The following NBAS variants were observed in gnomAD, a reference collection of about 807,000 sequenced individuals.
NBAS encodes NBAS subunit of NRZ tethering complex, also known as NAG/BC035112 fusion.
Under a neutral mutation model 302.5 loss-of-function variants are expected in NBAS, and 219 were observed. That is an observed-to-expected ratio of 0.72 (90% CI 0.65 to 0.81). The LOEUF is 0.81. Among genes scored for constraint, NBAS ranks in the 30% least tolerant of loss-of-function variants. The probability of loss-of-function intolerance (pLI) is 0.00; values close to 1 mark genes in which losing one functional copy is unlikely to be tolerated. For synonymous variants in NBAS, 1,118 were observed against 1,021.6 expected, an observed-to-expected ratio of 1.09 and a Z score of -1.80; for missense variants, 2,932 against 2,841.6, an observed-to-expected ratio of 1.03 and a Z score of -0.72.
At chr2:15,055,134 G>A in the NBAS span, among the ~76,000 whole-genome samples, 3 of 152,168 alleles carry the variant, frequency 2.0e-5, no homozygotes, top group Non-Finnish European at 4.4e-5. Flanking sequence ...AAGCAATGGT[G>A]TAGAATGAGA....
intron 35 of NBAS, among the ~76,000 whole-genome samples, chr2:15,336,732 A>G (rs1031714217): frequency 7.1e-6 from 1 of 140,882 alleles, no homozygotes; most frequent in African/African-American, 3.0e-5. Context: ...TCCATATAGG[A>G]AAAAAAAAAA....
chr2:15,502,596 GA>G (rs1661628124), intron 11 of NBAS, among the ~76,000 whole-genome samples: 1 of 152,212 alleles, frequency 6.6e-6, no homozygotes, highest in Non-Finnish European at 1.5e-5. Flanking sequence ...TCTAAACACA[GA>G]AAAGGTACAG....
chr2:14,976,209 T>C, the NBAS span, among the ~76,000 whole-genome samples: 3 of 152,328 alleles, frequency 2.0e-5, no homozygotes, highest in South Asian at 6.2e-4. Context: ...CAGCCTTTAG[T>C]GCAGGAAGAT....
At chr2:15,171,153 G>T (rs892983326) in intron 51 of NBAS, among the ~76,000 whole-genome samples, 1 of 152,116 alleles carries the variant, frequency 6.6e-6, no homozygotes, top group East Asian at 1.9e-4. Context: ...ATAAAAAAGT[G>T]GAAATAGTTG....
intron 21 of NBAS, among the ~76,000 whole-genome samples, chr2:15,460,075 T>C (rs762573066): frequency 3.2e-4 from 49 of 152,148 alleles, no homozygotes; most frequent in Non-Finnish European, 5.6e-4. Context: ...TGCCTAGAAA[T>C]AGGATATTGA....
chr2:14,998,926 C>T, the NBAS span, among the ~76,000 whole-genome samples: 10 of 152,210 alleles, frequency 6.6e-5, no homozygotes, highest in African/African-American at 1.7e-4. Flanking sequence ...ACTCCCAGCA[C>T]GCTGGCAATC....
intron 25 of NBAS, among the ~76,000 whole-genome samples, chr2:15,405,104 G>A (rs1676346425): frequency 1.3e-5 from 2 of 152,120 alleles, no homozygotes; most frequent in Non-Finnish European, 2.9e-5. Flanking sequence ...AAGAAGACAT[G>A]TCTTGCCATG....
the NBAS span, among the ~76,000 whole-genome samples, chr2:15,059,987 A>C: frequency 5.0e-5 from 7 of 140,246 alleles, no homozygotes; most frequent in Non-Finnish European, 9.5e-5. Context: ...AAAAAAAAAA[A>C]CACTCCACGT....
the NBAS span, among the ~76,000 whole-genome samples, chr2:15,032,028 C>T: frequency 7.2e-5 from 11 of 152,182 alleles, no homozygotes; most frequent in Non-Finnish European, 1.6e-4. Flanking sequence ...CGCCACAGTG[C>T]AGATCTGAAC....
chr2:15,214,559 T>C (rs920983887), intron 48 of NBAS, among the ~76,000 whole-genome samples: 5 of 152,234 alleles, frequency 3.3e-5, no homozygotes, highest in African/African-American at 9.6e-5. Context: ...TGTGATTTCA[T>C]GGCTAGGTTA....
At chr2:15,335,174 TAAAAAAAA>T (rs34790746) in intron 35 of NBAS, among the ~76,000 whole-genome samples, 36 of 117,280 alleles carry the variant, frequency 3.1e-4, no homozygotes, top group African/African-American at 1.1e-3. Flanking sequence ...TCATCTCTCT[TAAAAAAAA>T]AAAAAAAAAA....
chr2:15,245,907 C>T (rs77003576), intron 44 of NBAS, among the ~76,000 whole-genome samples: 2,937 of 152,144 alleles, frequency 0.019, 80 homozygotes, highest in African/African-American at 0.063. Flanking sequence ...ATGTAAAAGC[C>T]AATCTTAGCT....
the NBAS span, among the ~76,000 whole-genome samples, chr2:14,843,248 G>A: frequency 6.6e-6 from 1 of 152,062 alleles, no homozygotes; most frequent in African/African-American, 2.4e-5. Flanking sequence ...TTTTCTCTAA[G>A]ATCCGGACCA....
At chr2:15,015,685 C>T in the NBAS span, among the ~76,000 whole-genome samples, 2 of 152,106 alleles carry the variant, frequency 1.3e-5, no homozygotes, top group South Asian at 2.1e-4. Flanking sequence ...TAACATCATG[C>T]TTGATAGGGA....
Position 15,186,803 on chromosome 2 carries a change from C to T in NBAS, c.6650G>A (p.Gly2217Glu), listed in dbSNP as rs767132535. ...RCTMENKEGL[G>E]NEVLKMCRSL... is the part of the protein sequence containing the mutation. Reference sequence around the variant, plus strand: ...GCGACACATTTTCAAAACTTCATTCCCCAATCCTTCCTTGTTCTCCATCGT... The same window carrying T: ...GCGACACATTTTCAAAACTTCATTCTCCAATCCTTCCTTGTTCTCCATCGT... The change falls in exon 50 of 52, where the codon GGG becomes GAG. Residue 2217 changes from glycine to glutamate, a missense_variant. Transcript: ENST00000281513. 1 of 1,613,852 alleles carries T rather than the reference C, an allele frequency of 6.2e-7. No individual in the cohort carries two copies. Among genetic ancestry groups the T allele is most frequent in the Non-Finnish European group, 8.5e-7 (1 of 1,179,958 alleles).
chr2:15,260,944 T>A (rs1466892801), intron 44 of NBAS, among the ~76,000 whole-genome samples: 3 of 152,166 alleles, frequency 2.0e-5, no homozygotes, highest in Non-Finnish European at 4.4e-5. Context: ...AGTGGTCTGT[T>A]TTGCTTGTGT....
chr2:15,383,658 T>C (rs975231097), intron 28 of NBAS, among the ~76,000 whole-genome samples: 1 of 152,148 alleles, frequency 6.6e-6, no homozygotes, highest in African/African-American at 2.4e-5. Context: ...CACTGCAAGA[T>C]AAAGCAGCTA....
At chr2:15,088,472 G>T in the NBAS span, among the ~76,000 whole-genome samples, 1 of 152,210 alleles carries the variant, frequency 6.6e-6, no homozygotes, top group African/African-American at 2.4e-5. Flanking sequence ...GAGACAAATG[G>T]CACTTATTTC....
the NBAS span, among the ~76,000 whole-genome samples, chr2:15,034,263 AG>A: frequency 1.0e-5 from 1 of 99,196 alleles, no homozygotes; most frequent in East Asian, 2.4e-4. Context: ...AAAGAAAGAA[AG>A]AAAGAAAGAA....
Sources: allele counts gnomAD v4.1 joint callset (sites outside exome capture counted in the v4.1 genomes callset), GRCh38; gene constraint gnomAD v4.1.1; transcripts MANE v1.5; gene names NCBI Gene and HGNC (gene_info 2026-07-23, HGNC 2026-07-21).